Variants in TRAM2 observed in about 807,000 individuals in gnomAD.
TRAM2 encodes translocating chain-associated membrane protein 2.
A neutral mutation model predicts 51.0 loss-of-function variants in TRAM2; 12 were observed. The ratio of observed to expected loss-of-function variants is 0.24; its 90% CI spans 0.15 to 0.38. TRAM2 has a LOEUF of 0.38. Ranked by LOEUF, TRAM2 falls within the 10% of genes least tolerant of loss-of-function variation. The probability of loss-of-function intolerance (pLI) is 1.00; values close to 1 mark genes in which losing one functional copy is unlikely to be tolerated. For missense variants in TRAM2, 361 were observed against 462.0 expected, an observed-to-expected ratio of 0.78 and a Z score of 2.00; for synonymous variants, 175 against 179.4, an observed-to-expected ratio of 0.98 and a Z score of 0.20.
chr6:52,516,591 C>G, intron 3 of TRAM2, 37 bp downstream of exon 3: 1 of 1,577,438 alleles, frequency 6.3e-7, no homozygotes, highest in Non-Finnish European at 8.7e-7. Context: ...AGGCACCTCC[C>G]CAGCTTCTGA....
chr6:52,565,514 A>G (rs1380961535), intron 1 of TRAM2, among the ~76,000 whole-genome samples: 2 of 152,130 alleles, frequency 1.3e-5, no homozygotes, highest in African/African-American at 4.8e-5. Flanking sequence ...GAGCTAATAC[A>G]ATTGTGGTGT....
intron 1 of TRAM2, among the ~76,000 whole-genome samples, chr6:52,563,760 G>C (rs1049833574): frequency 2.0e-5 from 3 of 151,544 alleles, no homozygotes; most frequent in South Asian, 2.1e-4. Flanking sequence ...AACAGGTGGG[G>C]AGGGACAGTT....
chr6:52,516,601 A>T (rs1487548520), intron 3 of TRAM2, 27 bp downstream of exon 3: 3 of 1,595,146 alleles, frequency 1.9e-6, no homozygotes, highest in Non-Finnish European at 2.6e-6. Context: ...CCAGCTTCTG[A>T]TCTCAGAATC....
intron 1 of TRAM2, among the ~76,000 whole-genome samples, chr6:52,569,409 A>G (rs6929223): frequency 0.062 from 9,122 of 147,338 alleles, 745 homozygotes; most frequent in African/African-American, 0.19. Flanking sequence ...AAAAAAAAAG[A>G]AAGAAATGCA....
At chr6:52,549,797 T>G (rs1767277323) in intron 1 of TRAM2, among the ~76,000 whole-genome samples, 2 of 152,180 alleles carry the variant, frequency 1.3e-5, no homozygotes, top group South Asian at 4.1e-4. Flanking sequence ...CGCCATCACT[T>G]TAAGAAGCAA....
intron 1 of TRAM2, among the ~76,000 whole-genome samples, chr6:52,567,876 C>G (rs1562490414): frequency 6.6e-6 from 1 of 152,192 alleles, no homozygotes; most frequent in Non-Finnish European, 1.5e-5. Context: ...GAAGTGAGCC[C>G]ACTAACCTAA....
In TRAM2 at chr6:52,555,487, A is replaced by G. The variant is rs1429496818; in HGVS notation, c.121-19641T>C. 9.2e-5 allele frequency among the ~76,000 whole-genome samples: 14 copies of G among 152,326 alleles called. No homozygotes were observed. In the East Asian group the frequency reaches 2.7e-3, roughly 29 times the overall value. On this transcript the variant is annotated intron_variant, in intron 1 of 10. Transcript: ENST00000182527. ...AAAATTACTTGAAATCCTACGACAG[A>G]GAAAAACACTGGTGCTATTTTGATG... is the stretch of plus-strand genomic sequence containing the variant.
At chr6:52,542,372 G>C (rs1767118262) in intron 1 of TRAM2, among the ~76,000 whole-genome samples, 1 of 151,872 alleles carries the variant, frequency 6.6e-6, no homozygotes, top group Non-Finnish European at 1.5e-5. Context: ...GGGTGTGATG[G>C]ACGTGGGTTT....
At position 52,573,074 on chromosome 6, in the gene TRAM2, G is replaced by A. The variant is rs140907347; in HGVS notation, c.120+3722C>T. Among the ~76,000 whole-genome samples, 157 of 152,092 alleles carry A rather than the reference G, an allele frequency of 1.0e-3. 1 individual carries two copies. The highest frequency in any genetic ancestry group is 3.6e-3 in the African/African-American group (150 of 41,476). On this transcript the variant is annotated intron_variant, in intron 1 of 10. Coordinates refer to ENST00000182527, the MANE Select transcript of TRAM2 (RefSeq NM_012288.4). The stretch of plus-strand genomic sequence containing the variant: ...TTGCAGCTTTAGAGCCTGTAAATGA[G>A]CTTAAAAAAAAAGTTTCAGTCCTGA...
chr6:52,505,680 AGCACG>A lies in TRAM2; in HGVS notation c.789_793del (p.Val264GlyfsTer15). ...GCGAGCCAGTCCAAAGCCAATGGCC[AGCACG>A]GCAAGGGTGAGGATGAAGAGGCGGG... On this transcript the variant is annotated frameshift_variant, in exon 9 of 11. Coordinates refer to ENST00000182527, the MANE Select transcript of TRAM2 (RefSeq NM_012288.4). LOFTEE classifies it high-confidence loss of function. The A allele has an allele frequency of 6.2e-7, 1 of 1,613,900 alleles. No homozygotes were observed. Among genetic ancestry groups the A allele is most frequent in the Non-Finnish European group, 8.5e-7 (1 of 1,179,814 alleles).
intron 2 of TRAM2, among the ~76,000 whole-genome samples, chr6:52,529,202 C>T (rs1766840273): frequency 6.6e-6 from 1 of 152,066 alleles, no homozygotes; most frequent in African/African-American, 2.4e-5. Context: ...CAAATGTGTA[C>T]ATGACTTCTT....
intron 1 of TRAM2, among the ~76,000 whole-genome samples, chr6:52,540,654 C>T (rs1389836443): frequency 2.0e-5 from 3 of 152,228 alleles, no homozygotes. Flanking sequence ...GATGAAACCA[C>T]TAACAAGTCC....
intron 4 of TRAM2, 174 bp downstream of exon 4, chr6:52,515,832 T>G: frequency 1.6e-6 from 1 of 638,148 alleles, no homozygotes; most frequent in East Asian, 2.6e-5. Context: ...ACCATGAGGA[T>G]GCAAACATAG....
At chr6:52,517,527 C>T (rs1488560870) in intron 2 of TRAM2, among the ~76,000 whole-genome samples, 1 of 152,232 alleles carries the variant, frequency 6.6e-6, no homozygotes, top group Non-Finnish European at 1.5e-5. Context: ...AATTAGACAA[C>T]ATCCCAGGTA....
rs116342101 is a variant in TRAM2 at position 52,512,689 on chromosome 6, G to A, written c.412-3103C>T. On this transcript the variant is annotated intron_variant, in intron 4 of 10. Transcript: ENST00000182527. ...CATGAGCTAAGCAAGGCCTCAACAA[G>A]GTGGAGAGATCCCTCCTGTTTCCCC... Among the ~76,000 whole-genome samples, 1,296 of 152,344 alleles carry A rather than the reference G, an allele frequency of 8.5e-3. 15 individuals are homozygous for A. Among genetic ancestry groups the A allele is most frequent in the Middle Eastern group, 0.024 (7 of 294 alleles).
rs76502357 is a variant in TRAM2, at chr6:52,570,799, C to A, written c.120+5997G>T. 1.3e-4 allele frequency among the ~76,000 whole-genome samples: 15 copies of A among 117,670 alleles called. 3 individuals carry two copies. The highest frequency in any genetic ancestry group is 4.8e-4 in the Admixed American group (6 of 12,408). The allele number at this position is 117,670 out of a possible 152,430, so 77.2% of individuals were successfully genotyped here. A position where few individuals can be genotyped will look rare whatever the true frequency, so the allele number is the denominator to read the frequency against. On this transcript the variant is annotated intron_variant, in intron 1 of 10. Coordinates refer to ENST00000182527, the MANE Select transcript of TRAM2 (RefSeq NM_012288.4). Reference sequence around the variant, plus strand: ...CCCCAATCCTCCCTGCCCACCACCCCCCCCCCCACACGCACACACACTCTG... The same window carrying A: ...CCCCAATCCTCCCTGCCCACCACCCACCCCCCCACACGCACACACACTCTG...
At position 52,508,243 on chromosome 6, in the gene TRAM2, C is replaced by G; in HGVS notation, c.546G>C (p.Lys182Asn). 6.2e-7 allele frequency: 1 copy of G among 1,614,070 alleles called. No homozygotes were observed. ...LHALPELYFQ[K>N]VRKEEIPRQL... ...AGAAGTGAGCACTCACCTTCCGTACCTTCTGGAAGTATAGCTCAGGAAGTG... is the reference window on the plus strand; with the variant it reads ...AGAAGTGAGCACTCACCTTCCGTACGTTCTGGAAGTATAGCTCAGGAAGTG... The change falls in exon 6 of 11, where the codon AAG becomes AAC. Residue 182 changes from lysine to asparagine, a missense_variant. Transcript: ENST00000182527.
intron 1 of TRAM2, among the ~76,000 whole-genome samples, chr6:52,560,502 A>G (rs1767481327): frequency 6.6e-6 from 1 of 152,252 alleles, no homozygotes; most frequent in African/African-American, 2.4e-5. Flanking sequence ...CCTCTTTTAA[A>G]CAGCTAGAGT....
chr6:52,576,224 C>A (rs551022344), intron 1 of TRAM2, among the ~76,000 whole-genome samples: 1 of 152,172 alleles, frequency 6.6e-6, no homozygotes, highest in African/African-American at 2.4e-5. Flanking sequence ...AAAGTGGGAG[C>A]GAGACGAGAG....
Sources: allele counts gnomAD v4.1 joint callset (sites outside exome capture counted in the v4.1 genomes callset), GRCh38; gene constraint gnomAD v4.1.1; transcripts MANE v1.5; gene names NCBI Gene and HGNC (gene_info 2026-07-23, HGNC 2026-07-21).